The following PDE10A variants were observed in gnomAD, a reference collection of about 807,000 sequenced individuals.
PDE10A encodes cAMP and cAMP-inhibited cGMP 3',5'-cyclic phosphodiesterase 10A.
PDE10A carries 39 observed loss-of-function variants against 97.7 expected under a neutral mutation model. The observed-to-expected ratio is 0.40, with a 90% CI of 0.31 to 0.52. PDE10A has a LOEUF of 0.52. Ranked by LOEUF, PDE10A falls within the 20% of genes least tolerant of loss-of-function variation. The pLI, the probability that PDE10A is intolerant of heterozygous loss-of-function variation, is 0.56. For synonymous variants in PDE10A, 371 were observed against 376.8 expected, an observed-to-expected ratio of 0.98 and a Z score of 0.18; for missense variants, 731 against 1,047.8, an observed-to-expected ratio of 0.70 and a Z score of 4.17.
intron 2 of PDE10A, among the ~76,000 whole-genome samples, chr6:165,516,723 C>T (rs865986269): frequency 1.3e-5 from 2 of 152,126 alleles, no homozygotes; most frequent in African/African-American, 4.8e-5. Context: ...TTTATCCAAA[C>T]AAAATCACTA....
At chr6:165,946,608 G>C (rs1354755327) in intron 1 of PDE10A, among the ~76,000 whole-genome samples, 1 of 152,080 alleles carries the variant, frequency 6.6e-6, no homozygotes, top group African/African-American at 2.4e-5. Context: ...ACTCTGTGCA[G>C]TTATGTATAT....
At chr6:165,679,522 G>A (rs979971566) in intron 1 of PDE10A, among the ~76,000 whole-genome samples, 2 of 152,214 alleles carry the variant, frequency 1.3e-5, no homozygotes, top group African/African-American at 2.4e-5. Context: ...CCTCCTGACA[G>A]GCCTCCTGGA....
At chr6:165,649,998 A>G (rs1268861101) in intron 1 of PDE10A, among the ~76,000 whole-genome samples, 1 of 152,228 alleles carries the variant, frequency 6.6e-6, no homozygotes, top group African/African-American at 2.4e-5. Context: ...AAAAGAGCTG[A>G]TAAGATAACC....
chr6:165,503,919 T>G (rs956557389), intron 2 of PDE10A, among the ~76,000 whole-genome samples: 6 of 152,184 alleles, frequency 3.9e-5, no homozygotes, highest in African/African-American at 1.4e-4. Context: ...ATAAATTATG[T>G]TATTTTGCAT....
intron 1 of PDE10A, among the ~76,000 whole-genome samples, chr6:165,860,881 G>A (rs1780883622): frequency 6.6e-6 from 1 of 152,154 alleles, no homozygotes; most frequent in Non-Finnish European, 1.5e-5. Flanking sequence ...ATTGCTGCAG[G>A]CACATCATGG....
At chr6:165,580,643 A>T (rs1471703402) in intron 1 of PDE10A, among the ~76,000 whole-genome samples, 1 of 152,228 alleles carries the variant, frequency 6.6e-6, no homozygotes, top group Non-Finnish European at 1.5e-5. Flanking sequence ...GAATATGGAG[A>T]GAGTGGTGAA....
intron 1 of PDE10A, among the ~76,000 whole-genome samples, chr6:165,824,968 T>TAAAAAAAAAAAA (rs71890265): frequency 2.9e-4 from 27 of 92,354 alleles, no homozygotes; most frequent in East Asian, 6.4e-4. Flanking sequence ...CCGTCTCTAC[T>TAAAAAAAAAAAA]AAAAAAAAAA....
chr6:165,954,417 TG>T (rs1784066642), intron 1 of PDE10A, among the ~76,000 whole-genome samples: 1 of 152,154 alleles, frequency 6.6e-6, no homozygotes, highest in African/African-American at 2.4e-5. Flanking sequence ...CATGGACACT[TG>T]GTTTGGTTCT....
intron 1 of PDE10A, among the ~76,000 whole-genome samples, chr6:165,578,644 A>G (rs1209074905): frequency 1.5e-5 from 1 of 66,008 alleles, no homozygotes; most frequent in East Asian, 3.2e-4. Context: ...CTTTCCTACT[A>G]AATGCATTTA....
chr6:165,537,993 A>G (rs974756194), intron 2 of PDE10A, among the ~76,000 whole-genome samples: 2 of 152,010 alleles, frequency 1.3e-5, no homozygotes, highest in African/African-American at 4.8e-5. Context: ...GTTTTGGCAA[A>G]GTAATTTATG....
In PDE10A at chr6:165,684,590, C is replaced by G. The variant is rs190038500; in HGVS notation, c.-614-141022G>C. 3.3e-4 allele frequency among the ~76,000 whole-genome samples: 50 copies of G among 152,296 alleles called. 1 individual carries two copies. In the South Asian group the frequency reaches 9.7e-3, roughly 30 times the overall value. On this transcript the variant is annotated intron_variant, in intron 1 of 19. Coordinates refer to the PDE10A transcript ENST00000366882. ...TATTTATGAGTCACCACACGGTGGC[C>G]GAGGCGCTGAGCTGCCTCTCCCCTT...
intron 2 of PDE10A, among the ~76,000 whole-genome samples, chr6:165,536,380 G>C (rs1398955273): frequency 1.3e-5 from 2 of 151,932 alleles, no homozygotes; most frequent in Non-Finnish European, 2.9e-5. Flanking sequence ...TTGGGGAAAT[G>C]CAACAGGGCA....
intron 1 of PDE10A, among the ~76,000 whole-genome samples, chr6:165,860,806 G>T (rs916815193): frequency 6.6e-6 from 1 of 152,202 alleles, no homozygotes; most frequent in Non-Finnish European, 1.5e-5. Flanking sequence ...TCACAAAGGA[G>T]TCAGTCTGCA....
chr6:165,698,493 A>G (rs1238039162), intron 1 of PDE10A, among the ~76,000 whole-genome samples: 1 of 152,222 alleles, frequency 6.6e-6, no homozygotes, highest in South Asian at 2.1e-4. Context: ...TTGAAATCAG[A>G]CAAATAAAAA....
chr6:165,767,647 T>C (rs546374171), intron 1 of PDE10A, among the ~76,000 whole-genome samples: 1 of 152,356 alleles, frequency 6.6e-6, no homozygotes, highest in South Asian at 2.1e-4. Flanking sequence ...TGGAATAGTA[T>C]TCCATTCTAT....
At chr6:165,450,434 G>A in intron 3 of PDE10A, 72 bp from the exon 4 acceptor site, 1 of 756,896 alleles carries the variant, frequency 1.3e-6, no homozygotes, top group Non-Finnish European at 2.1e-6. Flanking sequence ...TAGTCTGTAA[G>A]ACATACTATT....
At chr6:165,812,365 A>G (rs2128467513) in intron 1 of PDE10A, among the ~76,000 whole-genome samples, 1 of 152,376 alleles carries the variant, frequency 6.6e-6, no homozygotes, top group Non-Finnish European at 1.5e-5. Flanking sequence ...TAAACAAAAA[A>G]TAACTTTTAA....
intron 1 of PDE10A, among the ~76,000 whole-genome samples, chr6:165,831,371 CAAAAAAA>C (rs760962725): frequency 2.2e-5 from 1 of 44,800 alleles, no homozygotes; most frequent in African/African-American, 9.0e-5. Context: ...GACTCTGTCT[CAAAAAAA>C]AAAAAAAAAA....
chr6:165,432,456 T>C (rs1025426112), intron 7 of PDE10A, among the ~76,000 whole-genome samples: 3 of 152,148 alleles, frequency 2.0e-5, no homozygotes, highest in Non-Finnish European at 4.4e-5. Flanking sequence ...TCGCAGGAGA[T>C]GGGTTCATTC....
Sources: allele counts gnomAD v4.1 joint callset (sites outside exome capture counted in the v4.1 genomes callset), GRCh38; gene constraint gnomAD v4.1.1; transcripts MANE v1.5; gene names NCBI Gene and HGNC (gene_info 2026-07-23, HGNC 2026-07-21).